The following MAD1L1 variants were observed in gnomAD, a reference collection of about 807,000 sequenced individuals.
MAD1L1 encodes mitotic arrest deficient 1 like 1.
In MAD1L1, 95 loss-of-function variants were observed where a neutral mutation model predicts 96.9. That is an observed-to-expected ratio of 0.98 (90% confidence interval 0.83 to 1.16). The LOEUF (loss-of-function observed/expected upper bound fraction) is 1.16, where lower values mean the gene tolerates loss of function less well. Ranked by LOEUF, MAD1L1 falls within the 50% of genes most tolerant of loss-of-function variation. The pLI, the probability that MAD1L1 is intolerant of heterozygous loss-of-function variation, is 0.00. For synonymous variants in MAD1L1, 473 were observed against 396.6 expected, an observed-to-expected ratio of 1.19 and a Z score of -2.29; for missense variants, 1,007 against 954.4, an observed-to-expected ratio of 1.06 and a Z score of -0.73.
Position 2,103,175 on chromosome 7 carries a change from A to G in MAD1L1, c.1074-33837T>C, listed in dbSNP as rs1427930461. ...TCTCTCCCCTGCCCCTGCACCCTAC[A>G]AAGGGGCAGCTCCGACCACGCTTCA... is the stretch of plus-strand genomic sequence containing the variant. On this transcript the variant is annotated intron_variant, in intron 11 of 18. Transcript: ENST00000265854. The surrounding 1 kb of genome is among the most constrained non-coding windows in gnomAD (Gnocchi z 4.3). Among the ~76,000 whole-genome samples the G allele has an allele frequency of 6.6e-6, 1 of 152,054 alleles. No homozygotes were observed. Among genetic ancestry groups the G allele is most frequent in the Non-Finnish European group, 1.5e-5 (1 of 68,006 alleles).
chr7:2,145,501 C>T (rs1789251605), intron 11 of MAD1L1, among the ~76,000 whole-genome samples: 1 of 152,246 alleles, frequency 6.6e-6, no homozygotes, highest in South Asian at 2.1e-4. Flanking sequence ...TGGAACTGTG[C>T]TTCACCAGTA....
chr7:2,054,167 G>T (rs1784298521), intron 12 of MAD1L1, among the ~76,000 whole-genome samples: 1 of 152,232 alleles, frequency 6.6e-6, no homozygotes. Context: ...AGCCTCACCT[G>T]GAACTGTCCA....
intron 10 of MAD1L1, among the ~76,000 whole-genome samples, chr7:2,208,905 C>T (rs1439606240): frequency 6.6e-6 from 1 of 152,140 alleles, no homozygotes; most frequent in Non-Finnish European, 1.5e-5. Flanking sequence ...GATCACATCG[C>T]TGCCTCCAGA....
rs116919183 is a variant in MAD1L1, at chr7:2,030,650, G to A, written c.1219-16008C>T. On this transcript the variant is annotated intron_variant, in intron 12 of 18. Coordinates refer to ENST00000265854, the MANE Select transcript of MAD1L1 (RefSeq NM_001013836.2). ...AAAATGCCTCCAAAACAAACCAGAC[G>A]CCGCCCCGGCAGAGGAAACTGAGAA... Among the ~76,000 whole-genome samples the A allele has an allele frequency of 3.9e-5, 6 of 152,234 alleles. No homozygotes were observed. In the East Asian group the frequency reaches 5.8e-4, roughly 15 times the overall value.
chr7:1,899,373 G>A (rs1787100083), intron 17 of MAD1L1, among the ~76,000 whole-genome samples: 1 of 152,180 alleles, frequency 6.6e-6, no homozygotes, highest in African/African-American at 2.4e-5. Flanking sequence ...CCCTCCAGGG[G>A]CCTGGGACTG....
chr7:2,135,158 C>T (rs1354979134), intron 11 of MAD1L1, among the ~76,000 whole-genome samples: 1 of 152,214 alleles, frequency 6.6e-6, no homozygotes, highest in Non-Finnish European at 1.5e-5. Context: ...CTTCAGCCCT[C>T]ACCCACCCAG....
intron 17 of MAD1L1, among the ~76,000 whole-genome samples, chr7:1,906,533 G>A (rs983523153): frequency 1.3e-5 from 2 of 152,248 alleles, no homozygotes; most frequent in African/African-American, 2.4e-5. Context: ...TCTGGCTCCT[G>A]TTCTCCGCAT....
intron 11 of MAD1L1, among the ~76,000 whole-genome samples, chr7:2,080,630 C>T (rs551507475): frequency 6.8e-6 from 1 of 148,136 alleles, no homozygotes; most frequent in East Asian, 2.0e-4. Flanking sequence ...ACTCAAAGAA[C>T]AGCGCTGGGC....
intron 10 of MAD1L1, among the ~76,000 whole-genome samples, chr7:2,206,741 G>C (rs1021671119): frequency 9.2e-4 from 140 of 152,258 alleles, no homozygotes; most frequent in African/African-American, 3.3e-3. Flanking sequence ...TTTTGAAACT[G>C]TTATGGCTAT....
chr7:1,980,337 C>T (rs1780837425), intron 15 of MAD1L1, 116 bp downstream of exon 15: 6 of 835,320 alleles, frequency 7.2e-6, no homozygotes, highest in Non-Finnish European at 1.1e-5. Flanking sequence ...GCCTCCTCCC[C>T]CACAGGACAC....
At position 2,045,328 on chromosome 7, in the gene MAD1L1, A is replaced by C. The variant is rs1037272333; in HGVS notation, c.1218+23866T>G. On this transcript the variant is annotated intron_variant, in intron 12 of 18. Coordinates refer to ENST00000265854, the MANE Select transcript of MAD1L1 (RefSeq NM_001013836.2). The stretch of plus-strand genomic sequence containing the variant: ...CCCCACGTCCCTATGAGAGTCCCCC[A>C]TGTCCCTGTGAGAGTCTCTGTGTCC... Among the ~76,000 whole-genome samples the C allele has an allele frequency of 4.0e-5, 6 of 151,762 alleles. No individual in the cohort carries two copies. The East Asian group carries it at 1.2e-3, about 30-fold the overall frequency.
intron 18 of MAD1L1, among the ~76,000 whole-genome samples, chr7:1,870,375 T>C (rs71523267): frequency 0.41 from 39,189 of 95,380 alleles, 8,443 homozygotes; most frequent in Admixed American, 0.47. Flanking sequence ...CAACATACGC[T>C]TGCCATGCTG....
chr7:2,017,502 G>A (rs1434896327), intron 12 of MAD1L1, among the ~76,000 whole-genome samples: 1 of 152,218 alleles, frequency 6.6e-6, no homozygotes, highest in Non-Finnish European at 1.5e-5. Flanking sequence ...GATGGGGGCC[G>A]GGGGCAGCAG....
At chr7:1,956,413 G>A (rs1463921169) in intron 16 of MAD1L1, among the ~76,000 whole-genome samples, 1 of 152,160 alleles carries the variant, frequency 6.6e-6, no homozygotes, top group Non-Finnish European at 1.5e-5. Flanking sequence ...GACCCAGGGA[G>A]GAACAGCTCC....
chr7:1,822,055 C>T (rs1380555683), intron 18 of MAD1L1, among the ~76,000 whole-genome samples: 5 of 152,084 alleles, frequency 3.3e-5, no homozygotes, highest in Admixed American at 1.3e-4. Context: ...AATGACGTGA[C>T]GGCCCACGTG....
At chr7:1,950,373 C>T (rs1040330797) in intron 16 of MAD1L1, among the ~76,000 whole-genome samples, 6 of 152,316 alleles carry the variant, frequency 3.9e-5, no homozygotes, top group African/African-American at 7.2e-5. Context: ...CCTCGAGGCC[C>T]GCAAGCCCTC....
intron 11 of MAD1L1, among the ~76,000 whole-genome samples, chr7:2,135,407 A>G (rs1361482339): frequency 2.0e-5 from 3 of 152,362 alleles, no homozygotes; most frequent in African/African-American, 7.2e-5. Flanking sequence ...TAGAAAATGC[A>G]TTTTTCATAA....
In MAD1L1 at chr7:1,958,743, C is replaced by T. The variant is rs182167442; in HGVS notation, c.1506-1024G>A. On this transcript the variant is annotated intron_variant, in intron 15 of 18. Transcript: ENST00000265854. ...ACCAAACAACGAATACCTACCAAGA[C>T]GCAGCATTGCACAGACGGCAACACT... is the stretch of plus-strand genomic sequence containing the variant. Among the ~76,000 whole-genome samples the T allele has an allele frequency of 1.0e-3, 158 of 152,290 alleles. 1 individual carries two copies. Among genetic ancestry groups the T allele is most frequent in the Middle Eastern group, 3.4e-3 (1 of 294 alleles).
intron 12 of MAD1L1, among the ~76,000 whole-genome samples, chr7:2,063,448 G>C (rs2128525049): frequency 6.6e-6 from 1 of 152,338 alleles, no homozygotes; most frequent in East Asian, 1.9e-4. Context: ...CTTGTCTGTG[G>C]CTGGGACAGG....
Sources: allele counts gnomAD v4.1 joint callset (sites outside exome capture counted in the v4.1 genomes callset), GRCh38; gene constraint gnomAD v4.1.1; non-coding constraint Gnocchi (gnomAD v3.1); transcripts MANE v1.5; gene names NCBI Gene and HGNC (gene_info 2026-07-23, HGNC 2026-07-21).